NOLC1: variants seen among roughly 807,000 people sequenced by gnomAD.
NOLC1 encodes the protein nucleolar and coiled-body phosphoprotein 1.
Under a neutral mutation model 73.4 loss-of-function variants are expected in NOLC1, and 37 were observed. The ratio of observed to expected loss-of-function variants is 0.50; its 90% CI spans 0.39 to 0.66. NOLC1 has a LOEUF of 0.66. Among genes scored for constraint, NOLC1 ranks in the 30% least tolerant of loss-of-function variants. The probability of loss-of-function intolerance (pLI) is 0.00; values close to 1 mark genes in which losing one functional copy is unlikely to be tolerated. For missense variants in NOLC1, 921 were observed against 838.9 expected (o/e 1.10, Z -1.21); for synonymous variants, 327 against 302.6 (o/e 1.08, Z -0.84).
chr10:102,161,850 A>G lies in NOLC1; in HGVS notation c.1866A>G (p.Ser622=), dbSNP rs2069715012. 4 of 1,614,026 alleles carry G rather than the reference A, an allele frequency of 2.5e-6. No homozygotes were observed. The highest frequency in any genetic ancestry group is 3.4e-6 in the Non-Finnish European group (4 of 1,180,014). Residue 622 remains serine (S), a synonymous_variant, in exon 12 of 13, where the codon TCA becomes TCG. Transcript: ENST00000605788. The part of the protein sequence containing the change: ...PKRKKGEKRA[S]SPFRRVREEE... ...TTCTGTAGGGAGAAAAAAGGGCATC[A>G]TCCCCATTCCGAAGGGTCAGGGAGG...
intron 1 of NOLC1, 86 bp downstream of exon 1, chr10:102,152,616 G>A: frequency 2.5e-6 from 4 of 1,572,728 alleles, no homozygotes; most frequent in Admixed American, 1.8e-5. Flanking sequence ...AGGTGGGGAA[G>A]TCTGGGGGTC....
At position 102,163,769 on chromosome 10, in the gene NOLC1, A is replaced by C. The variant is rs1235827920; in HGVS notation, c.*1500A>C. ...CCTGGTTTTCCATGTAACTGCCTCTAGGAAGAAAATGTACTGTTCATGCTG... is the reference window on the plus strand; with the variant it reads ...CCTGGTTTTCCATGTAACTGCCTCTCGGAAGAAAATGTACTGTTCATGCTG... On this transcript the variant is annotated 3_prime_UTR_variant, in exon 13 of 13. Coordinates refer to ENST00000605788, the MANE Select transcript of NOLC1 (RefSeq NM_004741.5). The C allele has an allele frequency of 2.6e-5, 4 of 152,364 alleles. No individual in the cohort carries two copies. Among genetic ancestry groups the C allele is most frequent in the Non-Finnish European group, 5.9e-5 (4 of 68,044 alleles). The allele number at this position is 152,364 out of a possible 1,614,324, so 9.4% of individuals were successfully genotyped here. A position where few individuals can be genotyped will look rare whatever the true frequency, so the allele number is the denominator to read the frequency against.
chr10:102,160,002 T>C lies in NOLC1; in HGVS notation c.966T>C (p.Ser322=). ...AGAAGCAGCAGCCTGTGGAAAGCAG[T>C]GAAGACAGCAGTGATGAGTCTGGTG... ...AVEKQQPVES[S]EDSSDESDSS... Residue 322 remains serine, a synonymous_variant, in exon 8 of 13, where the codon AGT becomes AGC. Coordinates refer to ENST00000605788, the MANE Select transcript of NOLC1 (RefSeq NM_004741.5). The C allele has an allele frequency of 6.2e-7, 1 of 1,612,856 alleles. No individual in the cohort carries two copies. Among genetic ancestry groups the C allele is most frequent in the Non-Finnish European group, 8.5e-7 (1 of 1,179,438 alleles).
chr10:102,158,327 G>C (rs1011793584), intron 5 of NOLC1, 113 bp downstream of exon 5: 14 of 765,890 alleles, frequency 1.8e-5, no homozygotes, highest in Non-Finnish European at 2.4e-5. Context: ...TGAACTGGAG[G>C]TGTTGATTAC....
At chr10:102,159,102 C>CT (rs1590378461) in intron 5 of NOLC1, 91 bp from the exon 6 acceptor site, 1 of 661,112 alleles carries the variant, frequency 1.5e-6, no homozygotes, top group African/African-American at 1.9e-5. Flanking sequence ...AAATGGTGGA[C>CT]TCCTAAGTTC....
intron 1 of NOLC1, among the ~76,000 whole-genome samples, chr10:102,154,923 A>G (rs1479663546): frequency 2.0e-5 from 3 of 151,756 alleles, no homozygotes; most frequent in East Asian, 3.9e-4. Context: ...TGATGCAATC[A>G]TACTTCGCTG....
At chr10:102,161,346 C>G (rs1208398344) in intron 10 of NOLC1, among the ~76,000 whole-genome samples, 1 of 152,050 alleles carries the variant, frequency 6.6e-6, no homozygotes, top group Non-Finnish European at 1.5e-5. Context: ...TCTTTCCACC[C>G]CAGCCTCCTG....
At chr10:102,153,748 T>C (rs1477183897) in intron 1 of NOLC1, among the ~76,000 whole-genome samples, 1 of 149,590 alleles carries the variant, frequency 6.7e-6, no homozygotes, top group Non-Finnish European at 1.5e-5. Flanking sequence ...TCTCGGCTCA[T>C]TGTAACCTCC....
At chr10:102,157,113 C>T in intron 2 of NOLC1, 39 bp downstream of exon 2, 1 of 1,614,010 alleles carries the variant, frequency 6.2e-7, no homozygotes, top group Non-Finnish European at 8.5e-7. Context: ...TTTTCTCCCC[C>T]AAGATAGGCT....
At chr10:102,161,395 T>C (rs182512701) in intron 10 of NOLC1, among the ~76,000 whole-genome samples, 161 bp from the exon 11 acceptor site, 78 of 152,168 alleles carry the variant, frequency 5.1e-4, no homozygotes, top group Admixed American at 5.9e-4. Context: ...CATGTCTGGC[T>C]CATTTTTTTA....
At chr10:102,161,231 T>G in intron 10 of NOLC1, 138 bp downstream of exon 10, 1 of 896,244 alleles carries the variant, frequency 1.1e-6, no homozygotes, top group Non-Finnish European at 1.6e-6. Context: ...AACAGGAAAC[T>G]GGTTACCTTT....
rs142104676 is a variant in NOLC1 at position 102,160,497 on chromosome 10, G to A, written c.1145G>A (p.Gly382Asp). 17 of 1,614,036 alleles carry A rather than the reference G, an allele frequency of 1.1e-5. 1 individual carries two copies. The highest frequency in any genetic ancestry group is 1.6e-4 in the Middle Eastern group (1 of 6,084). The change falls in exon 10 of 13, where the codon GGT (glycine) becomes GAT (aspartate). Residue 382 changes from glycine (G) to aspartate (D), a missense_variant. Coordinates refer to ENST00000605788, the MANE Select transcript of NOLC1 (RefSeq NM_004741.5). Reference sequence around the variant, plus strand: ...GATGAAGCTCCTTCTAAGCCAGCTGGTACCACCAAGAATTCTTCAAATAAG... The same window carrying A: ...GATGAAGCTCCTTCTAAGCCAGCTGATACCACCAAGAATTCTTCAAATAAG... ...EDDEAPSKPA[G>D]TTKNSSNKPA... is the part of the protein sequence containing the mutation.
At chr10:102,157,915 C>G in intron 4 of NOLC1, 134 bp from the exon 5 acceptor site, 1 of 798,322 alleles carries the variant, frequency 1.3e-6, no homozygotes, top group African/African-American at 1.7e-5. Context: ...GTTTTTTGCC[C>G]TTTCCGTATC....
Position 102,159,989 on chromosome 10 carries a change from C to T in NOLC1, c.953C>T (p.Pro318Leu), listed in dbSNP as rs992472236. Residue 318 changes from proline to leucine, a missense_variant, in exon 8 of 13, where the codon CCT becomes CTT. Transcript: ENST00000605788. ...AAGAAGGCTGTGGAGAAGCAGCAGC[C>T]TGTGGAAAGCAGTGAAGACAGCAGT... ...PPKKAVEKQQPVESSEDSSDE... is the reference protein window; with the variant it reads ...PPKKAVEKQQLVESSEDSSDE... The T allele has an allele frequency of 1.2e-5, 20 of 1,612,502 alleles. No individual in the cohort carries two copies. Among genetic ancestry groups the T allele is most frequent in the Admixed American group, 3.3e-5 (2 of 59,772 alleles).
chr10:102,159,739 C>T (rs1321165047), intron 7 of NOLC1, among the ~76,000 whole-genome samples, 157 bp from the exon 8 acceptor site: 1 of 152,188 alleles, frequency 6.6e-6, no homozygotes, highest in Non-Finnish European at 1.5e-5. Flanking sequence ...CTTGTGTAAC[C>T]TAGACTCAGA....
At chr10:102,162,041 G>A in intron 12 of NOLC1, 70 bp from the exon 13 acceptor site, 1 of 1,603,822 alleles carries the variant, frequency 6.2e-7, no homozygotes, top group Non-Finnish European at 8.5e-7. Context: ...TGAGCAGGGA[G>A]TAGAAAGAAT....
Position 102,160,809 on chromosome 10 carries a change from C to G in NOLC1, c.1457C>G (p.Ser486Cys), listed in dbSNP as rs375090769. ...SSSEEEEEKT[S>C]KSAVKKKPQK... is the part of the protein sequence containing the mutation. Reference sequence around the variant, plus strand: ...AGTGAGGAGGAGGAAGAGAAGACATCTAAGTCTGCAGTTAAGAAGAAGCCA... The same window carrying G: ...AGTGAGGAGGAGGAAGAGAAGACATGTAAGTCTGCAGTTAAGAAGAAGCCA... The change falls in exon 10 of 13, where the codon TCT (serine) becomes TGT (cysteine). Residue 486 changes from serine to cysteine, a missense_variant. Ser to Cys is a moderately radical substitution (Grantham distance 112). Coordinates refer to ENST00000605788, the MANE Select transcript of NOLC1 (RefSeq NM_004741.5). 170 of 1,613,990 alleles carry G rather than the reference C, an allele frequency of 1.1e-4. No individual in the cohort carries two copies. Among genetic ancestry groups the G allele is most frequent in the Non-Finnish European group, 1.3e-4 (152 of 1,180,032 alleles).
At chr10:102,155,022 A>ATTTTT (rs34034390) in intron 1 of NOLC1, among the ~76,000 whole-genome samples, 2 of 131,248 alleles carry the variant, frequency 1.5e-5, no homozygotes, top group Non-Finnish European at 3.2e-5. Flanking sequence ...CACCTGGCTA[A>ATTTTT]TTTTTTTTTT....
chr10:102,160,094 A>G lies in NOLC1; in HGVS notation c.988+70A>G, dbSNP rs900942968. On this transcript the variant is annotated intron_variant, in intron 8 of 12. Coordinates refer to ENST00000605788, the MANE Select transcript of NOLC1 (RefSeq NM_004741.5). ...AGGGGATGAGGAATAAGGGAGAGAG[A>G]AAGCCTTCCATCCTTCGGTTGCTTT... 5 of 1,591,334 alleles carry G rather than the reference A, an allele frequency of 3.1e-6. No individual in the cohort carries two copies. The African/African-American group carries it at 6.8e-5, about 22-fold the overall frequency.
Sources: allele counts gnomAD v4.1 joint callset (sites outside exome capture counted in the v4.1 genomes callset), GRCh38; gene constraint gnomAD v4.1.1; transcripts MANE v1.5; gene names NCBI Gene and HGNC (gene_info 2026-07-23, HGNC 2026-07-21).